The following PPP2R2D variants were observed in gnomAD, a reference collection of about 807,000 sequenced individuals.
PPP2R2D encodes the protein protein phosphatase 2 regulatory subunit Bdelta, also known as serine/threonine-protein phosphatase 2A 55 kDa regulatory subunit B delta isoform.
PPP2R2D carries 9 observed loss-of-function variants against 31.1 expected under a neutral mutation model. The ratio of observed to expected loss-of-function variants is 0.29; its 90% CI spans 0.17 to 0.51. PPP2R2D has a LOEUF of 0.51. Among genes scored for constraint, PPP2R2D ranks in the 20% least tolerant of loss-of-function variants. PPP2R2D has a pLI of 0.98. For missense variants in PPP2R2D, 391 were observed against 465.6 expected, an observed-to-expected ratio of 0.84 and a Z score of 1.48; for synonymous variants, 179 against 172.6, an observed-to-expected ratio of 1.04 and a Z score of -0.29.
In PPP2R2D at chr10:131,945,946, T is replaced by G; in HGVS notation, c.820+487T>G. 6.4e-6 allele frequency: 1 copy of G among 155,680 alleles called. No homozygotes were observed. Among genetic ancestry groups the G allele is most frequent in the Admixed American group, 6.2e-5 (1 of 16,228 alleles). The allele number at this position is 155,680 out of a possible 1,614,324, so 9.6% of individuals were successfully genotyped here. ...CTCGAGGTCATGCTTCCCACAGGCT[T>G]ATGGCTGTAGGGTGAGTGTGCTTTT... On this transcript the variant is annotated intron_variant, in intron 7 of 8. Coordinates refer to ENST00000455566, the MANE Select transcript of PPP2R2D (RefSeq NM_018461.5). This position sits in a 1 kb window ranked among gnomAD's most constrained non-coding sequence, Gnocchi z 4.8.
At chr10:131,922,829 G>T (rs1233406732) in intron 2 of PPP2R2D, among the ~76,000 whole-genome samples, 1 of 152,168 alleles carries the variant, frequency 6.6e-6, no homozygotes, top group Non-Finnish European at 1.5e-5. Flanking sequence ...ATAGGAAAAT[G>T]AATTTAGTAA....
chr10:131,937,978 C>G (rs2036373609), intron 3 of PPP2R2D, among the ~76,000 whole-genome samples: 1 of 149,930 alleles, frequency 6.7e-6, no homozygotes, highest in African/African-American at 2.5e-5. Context: ...GCAGGAATGC[C>G]CTGCCTGTCA....
At chr10:131,912,519 T>C (rs1396971826) in intron 2 of PPP2R2D, 1 of 152,216 alleles carries the variant, frequency 6.6e-6, no homozygotes, top group African/African-American at 2.4e-5. Context: ...GAGTCTATAA[T>C]TGGAGATCTT....
At chr10:131,924,485 A>G (rs1554894648) in intron 2 of PPP2R2D, among the ~76,000 whole-genome samples, 1 of 152,164 alleles carries the variant, frequency 6.6e-6, no homozygotes, top group East Asian at 1.9e-4. Context: ...AGTTGACCGT[A>G]AGTGTCCTTC....
intron 2 of PPP2R2D, among the ~76,000 whole-genome samples, chr10:131,916,207 C>T (rs1156353380): frequency 6.6e-6 from 1 of 152,186 alleles, no homozygotes; most frequent in Non-Finnish European, 1.5e-5. Context: ...GAGGCGCACA[C>T]ACAGCACCCA....
At chr10:131,917,178 GCGTT>G (rs1344421184) in intron 2 of PPP2R2D, among the ~76,000 whole-genome samples, 2,540 of 106,736 alleles carry the variant, frequency 0.024, 2 homozygotes, top group Non-Finnish European at 0.026. Context: ...GAATGACACA[GCGTT>G]TGTAGGGACC....
intron 3 of PPP2R2D, among the ~76,000 whole-genome samples, chr10:131,937,896 C>T (rs1236607451): frequency 6.6e-6 from 1 of 152,186 alleles, no homozygotes; most frequent in Non-Finnish European, 1.5e-5. Context: ...ACATCTGCCC[C>T]GTGCAGCACA....
chr10:131,935,498 A>AG (rs1328272219), intron 3 of PPP2R2D, among the ~76,000 whole-genome samples: 2 of 150,050 alleles, frequency 1.3e-5, no homozygotes, highest in Non-Finnish European at 3.0e-5. Flanking sequence ...CCCCCCAGGA[A>AG]GGGGAGCCTG....
chr10:131,968,484 A>G, the PPP2R2D span: 1 of 1,518,996 alleles, frequency 6.6e-7, no homozygotes, highest in Non-Finnish European at 9.1e-7. Context: ...CAAGCTCAGA[A>G]GTAATCCACT....
intron 2 of PPP2R2D, among the ~76,000 whole-genome samples, chr10:131,903,943 C>T (rs1246047702): frequency 6.6e-6 from 1 of 152,174 alleles, no homozygotes; most frequent in African/African-American, 2.4e-5. Flanking sequence ...GTGACTCACA[C>T]CTGTAACCCC....
chr10:131,961,149 C>T (rs1554901398), downstream of PPP2R2D, among the ~76,000 whole-genome samples: 2 of 152,202 alleles, frequency 1.3e-5, no homozygotes, highest in Non-Finnish European at 2.9e-5. Context: ...CAGACGCTGC[C>T]CGCGGCCGAC....
In PPP2R2D at chr10:131,933,508, G is replaced by T. The variant is rs550655689; in HGVS notation, c.101-950G>T. ...GCTGTTCCTGAGACTCCCCCACACTGCAGGGTAAGGCGAGGAGTCCCACTG... is the reference window on the plus strand; with the variant it reads ...GCTGTTCCTGAGACTCCCCCACACTTCAGGGTAAGGCGAGGAGTCCCACTG... On this transcript the variant is annotated intron_variant, in intron 2 of 8. Coordinates refer to ENST00000455566, the MANE Select transcript of PPP2R2D (RefSeq NM_018461.5). 5.9e-5 allele frequency among the ~76,000 whole-genome samples: 9 copies of T among 152,256 alleles called. No individual in the cohort carries two copies. The South Asian group carries it at 1.9e-3, about 32-fold the overall frequency.
intron 5 of PPP2R2D, among the ~76,000 whole-genome samples, chr10:131,943,117 T>G (rs1461202491): frequency 6.6e-6 from 1 of 152,242 alleles, no homozygotes; most frequent in Non-Finnish European, 1.5e-5. Flanking sequence ...AGCTGGATGT[T>G]AGTGAGACAC....
chr10:131,913,954 G>A (rs1219125877), intron 2 of PPP2R2D, among the ~76,000 whole-genome samples: 2 of 152,230 alleles, frequency 1.3e-5, no homozygotes, highest in African/African-American at 4.8e-5. Context: ...GAAGACACAG[G>A]CTGTGCTGAT....
At chr10:131,946,862 A>G (rs1490327146) in intron 7 of PPP2R2D, among the ~76,000 whole-genome samples, 3 of 152,110 alleles carry the variant, frequency 2.0e-5, no homozygotes, top group Non-Finnish European at 4.4e-5. Context: ...TTCTGAAAAT[A>G]GGAATCCAGT....
chr10:131,917,436 T>G (rs1564811506), intron 2 of PPP2R2D, among the ~76,000 whole-genome samples: 1 of 115,516 alleles, frequency 8.7e-6, no homozygotes, highest in Non-Finnish European at 1.7e-5. Flanking sequence ...CTCAGTCGGG[T>G]GGAATGACAG....
At chr10:131,963,717 T>C (rs1191462163), downstream of PPP2R2D, among the ~76,000 whole-genome samples, 4 of 152,386 alleles carry the variant, frequency 2.6e-5, no homozygotes, top group East Asian at 5.8e-4. Context: ...GACCACACTT[T>C]TTTTTTCTTT....
chr10:131,960,718 G>A (rs1348434983), downstream of PPP2R2D, among the ~76,000 whole-genome samples: 1 of 152,210 alleles, frequency 6.6e-6, no homozygotes, highest in Non-Finnish European at 1.5e-5. Context: ...GTGGGTCTGG[G>A]GCTGCGGAGG....
At chr10:131,940,219 C>A in intron 4 of PPP2R2D, 23 bp downstream of exon 4, 2 of 649,346 alleles carry the variant, frequency 3.1e-6, no homozygotes, top group South Asian at 2.0e-5. Context: ...TTCTAAGTGG[C>A]TGTTTGATTT....
Sources: gnomAD v4.1 joint callset for allele counts (sites outside exome capture counted in the v4.1 genomes callset) on GRCh38, gnomAD v4.1.1 for gene constraint, Gnocchi (gnomAD v3.1) non-coding constraint, MANE v1.5 for transcripts, NCBI Gene and HGNC (gene_info 2026-07-23, HGNC 2026-07-21) for gene names.